ATAD2B: variants seen among roughly 807,000 people sequenced by gnomAD.
ATAD2B encodes ATPase family AAA domain-containing protein 2B.
In ATAD2B, 40 loss-of-function variants were observed where a neutral mutation model predicts 167.6. That is an observed-to-expected ratio of 0.24 (90% CI 0.19 to 0.31). ATAD2B has a LOEUF of 0.31. Among genes scored for constraint, ATAD2B ranks in the 10% least tolerant of loss-of-function variants. The pLI, the probability that ATAD2B is intolerant of heterozygous loss-of-function variation, is 1.00. For missense variants in ATAD2B, 1,242 were observed against 1,757.2 expected (o/e 0.71, Z 5.24); for synonymous variants, 579 against 596.5 (o/e 0.97, Z 0.43).
chr2:23,899,781 G>A (rs931630216), intron 1 of ATAD2B, among the ~76,000 whole-genome samples: 4 of 151,314 alleles, frequency 2.6e-5, no homozygotes, highest in African/African-American at 4.9e-5. Flanking sequence ...ACTAGAGACC[G>A]GGTTTCACCA....
chr2:23,850,566 CT>C (rs1453128427), intron 13 of ATAD2B, among the ~76,000 whole-genome samples: 1 of 152,146 alleles, frequency 6.6e-6, no homozygotes, highest in African/African-American at 2.4e-5. Flanking sequence ...AAACTACATA[CT>C]GTTTGAGTCC....
chr2:23,681,140 C>T, the ATAD2B span, among the ~76,000 whole-genome samples: 1 of 152,244 alleles, frequency 6.6e-6, no homozygotes, highest in Non-Finnish European at 1.5e-5. This position sits in a 1 kb window ranked among gnomAD's most constrained non-coding sequence, Gnocchi z 4.2. Flanking sequence ...TAAGCTCCTG[C>T]TTCGCCGGCC....
At chr2:23,816,149 T>C (rs963693907) in intron 17 of ATAD2B, among the ~76,000 whole-genome samples, 1 of 152,224 alleles carries the variant, frequency 6.6e-6, no homozygotes, top group African/African-American at 2.4e-5. Context: ...AAGACAGTGC[T>C]CAGAATTGAC....
chr2:23,903,773 T>C (rs963788705), intron 1 of ATAD2B, among the ~76,000 whole-genome samples: 1 of 152,180 alleles, frequency 6.6e-6, no homozygotes, highest in Non-Finnish European at 1.5e-5. Context: ...CTAAGTTAAT[T>C]AGCAGACCAC....
rs1009014382 is a variant in ATAD2B, at chr2:23,834,074, T to C, written c.1573A>G (p.Ile525Val). The C allele has an allele frequency of 3.2e-6, 5 of 1,572,986 alleles. No homozygotes were observed. The highest frequency in any genetic ancestry group is 4.3e-6 in the Non-Finnish European group (5 of 1,164,272). ...ATAAGAGCAAGGAGGGTTGATACTA[T>C]AGAGCTGTAAAATAATTTTCAGGCA... is the stretch of plus-strand genomic sequence containing the variant. ...SSRQDQIHSS[I>V]VSTLLALMDG... The change falls in exon 14 of 28, where the codon ATA (isoleucine) becomes GTA (valine). Residue 525 changes from isoleucine to valine, a missense_variant. Transcript: ENST00000238789.
intron 14 of ATAD2B, 138 bp from the exon 15 acceptor site, chr2:23,829,077 T>G (rs1688658821): frequency 1.7e-6 from 1 of 603,564 alleles, no homozygotes; most frequent in Non-Finnish European, 2.9e-6. Context: ...TAAAAAAAAT[T>G]TAAACACCTT....
At chr2:23,872,011 G>A (rs910313245) in intron 8 of ATAD2B, among the ~76,000 whole-genome samples, 11 of 152,064 alleles carry the variant, frequency 7.2e-5, no homozygotes, top group African/African-American at 2.7e-4. Flanking sequence ...CCAAGTAGCT[G>A]GGATTACAGG....
downstream of ATAD2B, among the ~76,000 whole-genome samples, chr2:23,746,172 G>A (rs541849370): frequency 6.6e-5 from 10 of 152,252 alleles, no homozygotes; most frequent in South Asian, 4.1e-4. Context: ...AACACATGCC[G>A]TATTAGACTG....
chr2:23,909,423 TATAC>T (rs1326072874), intron 1 of ATAD2B, among the ~76,000 whole-genome samples: 1 of 149,382 alleles, frequency 6.7e-6, no homozygotes, highest in Non-Finnish European at 1.5e-5. Flanking sequence ...TATATATATA[TATAC>T]ATACATACAT....
At chr2:23,734,052 C>T in the ATAD2B span, among the ~76,000 whole-genome samples, 15 of 152,236 alleles carry the variant, frequency 9.9e-5, no homozygotes, top group African/African-American at 3.4e-4. Context: ...GATAACTTAT[C>T]CTCAGGGGGG....
At chr2:23,719,250 A>G in the ATAD2B span, among the ~76,000 whole-genome samples, 12 of 152,232 alleles carry the variant, frequency 7.9e-5, no homozygotes, top group Non-Finnish European at 1.5e-5. Context: ...AACAGGGCCC[A>G]GAACAGCATA....
intron 12 of ATAD2B, among the ~76,000 whole-genome samples, chr2:23,859,898 C>T (rs377464228): frequency 9.3e-5 from 14 of 151,148 alleles, no homozygotes; most frequent in African/African-American, 3.4e-4. Context: ...TGCTGTGAGC[C>T]GAGATTGTGC....
Position 23,926,871 on chromosome 2 carries a change from T to G in ATAD2B, c.-101A>C. On this transcript the variant is annotated 5_prime_UTR_variant, in exon 1 of 28. Coordinates refer to ENST00000238789, the MANE Select transcript of ATAD2B (RefSeq NM_017552.4). ...GGGCCAGCGGAGCCGAGCCGGGCAA[T>G]GAGAGACGAGCCGGCCCGGAGCGTG... 3 of 1,374,702 alleles carry G rather than the reference T, an allele frequency of 2.2e-6. No individual in the cohort carries two copies. Among genetic ancestry groups the G allele is most frequent in the Non-Finnish European group, 2.9e-6 (3 of 1,042,950 alleles). 85.2% of individuals were successfully genotyped at this position (1,374,702 alleles called of 1,614,324 possible). A position where few individuals can be genotyped will look rare whatever the true frequency, so the allele number is the denominator to read the frequency against.
At chr2:23,907,194 G>T (rs1288637034) in intron 1 of ATAD2B, among the ~76,000 whole-genome samples, 1 of 152,060 alleles carries the variant, frequency 6.6e-6, no homozygotes, top group Non-Finnish European at 1.5e-5. Flanking sequence ...GTTTGCAGAC[G>T]ACATGATTGT....
the ATAD2B span, among the ~76,000 whole-genome samples, chr2:23,686,771 G>A: frequency 6.6e-6 from 1 of 152,140 alleles, no homozygotes; most frequent in Non-Finnish European, 1.5e-5. Context: ...ACCCAGAGAG[G>A]TCTGAGGTTT....
chr2:23,809,523 G>A (rs1039611562), intron 18 of ATAD2B, among the ~76,000 whole-genome samples: 1 of 152,138 alleles, frequency 6.6e-6, no homozygotes, highest in Non-Finnish European at 1.5e-5. Flanking sequence ...AAAATTGTGT[G>A]AAATGTTTTA....
intron 1 of ATAD2B, among the ~76,000 whole-genome samples, chr2:23,898,487 T>C (rs1382118013): frequency 6.6e-6 from 1 of 152,204 alleles, no homozygotes; most frequent in Non-Finnish European, 1.5e-5. Flanking sequence ...TGAACTGATG[T>C]AGACCTCACA....
At chr2:23,758,205 T>A (rs1676177597) in intron 24 of ATAD2B, 104 bp from the exon 25 acceptor site, 2 of 931,878 alleles carry the variant, frequency 2.1e-6, no homozygotes, top group Non-Finnish European at 3.1e-6. Flanking sequence ...CCCATGCTGA[T>A]GTAACACACA....
chr2:23,769,439 C>CTTTA (rs199703812), intron 22 of ATAD2B, among the ~76,000 whole-genome samples: 1,635 of 151,932 alleles, frequency 0.011, 17 homozygotes, highest in Middle Eastern at 0.037. Flanking sequence ...GACAGCGTCT[C>CTTTA]TTTATTTATT....
Sources: gnomAD v4.1 joint callset for allele counts (sites outside exome capture counted in the v4.1 genomes callset) on GRCh38, gnomAD v4.1.1 for gene constraint, Gnocchi (gnomAD v3.1) non-coding constraint, MANE v1.5 for transcripts, NCBI Gene and HGNC (gene_info 2026-07-23, HGNC 2026-07-21) for gene names.